Variants in CDH13 observed in about 807,000 individuals in gnomAD.
The protein encoded by CDH13 is cadherin-13.
In CDH13, 24 loss-of-function variants were observed where a neutral mutation model predicts 63.8. The observed-to-expected ratio is 0.38, with a 90% CI of 0.27 to 0.53. CDH13 has a LOEUF of 0.53. CDH13 is among the 20% of genes least tolerant of loss of function. The probability of loss-of-function intolerance (pLI) is 0.85; values close to 1 mark genes in which losing one functional copy is unlikely to be tolerated. For missense variants in CDH13, 1,049 were observed against 903.1 expected (o/e 1.16, Z -2.07); for synonymous variants, 503 against 355.3 (o/e 1.42, Z -4.67).
chr16:82,920,323 C>T (rs1171091544), intron 2 of CDH13, among the ~76,000 whole-genome samples: 1 of 152,196 alleles, frequency 6.6e-6, no homozygotes, highest in Non-Finnish European at 1.5e-5. Flanking sequence ...CCAGCAGCTC[C>T]AGGCTCACAT....
chr16:83,194,490 C>T (rs1320639082), intron 4 of CDH13, among the ~76,000 whole-genome samples: 1 of 152,184 alleles, frequency 6.6e-6, no homozygotes, highest in Admixed American at 6.5e-5. Flanking sequence ...TCAGGCCTTC[C>T]AAGCTGTCAC....
Position 83,533,297 on chromosome 16 carries a change from G to T in CDH13, c.960+46642G>T, listed in dbSNP as rs537142540. On this transcript the variant is annotated intron_variant, in intron 7 of 13. Coordinates refer to ENST00000567109, the MANE Select transcript of CDH13 (RefSeq NM_001257.5). ...TGTGCTCGGAAAATCTCAACTCAGC[G>T]TGACTCGCAACCTCACCACTGAGCG... is the stretch of plus-strand genomic sequence containing the variant. Among the ~76,000 whole-genome samples, 36 of 152,320 alleles carry T rather than the reference G, an allele frequency of 2.4e-4. No homozygotes were observed. The South Asian group carries it at 7.3e-3, about 31-fold the overall frequency.
intron 7 of CDH13, among the ~76,000 whole-genome samples, chr16:83,533,859 G>C (rs1259593431): frequency 6.6e-6 from 1 of 152,022 alleles, no homozygotes; most frequent in Non-Finnish European, 1.5e-5. Context: ...GACCCCAAGT[G>C]ATCCGCCCAC....
chr16:82,806,158 A>G (rs1300765390), intron 1 of CDH13, among the ~76,000 whole-genome samples: 8 of 152,176 alleles, frequency 5.3e-5, no homozygotes, highest in African/African-American at 1.9e-4. Flanking sequence ...CCCAAAGCAT[A>G]TAAGGACTCT....
At chr16:82,880,469 TG>T (rs1460448439) in intron 2 of CDH13, among the ~76,000 whole-genome samples, 1 of 152,166 alleles carries the variant, frequency 6.6e-6, no homozygotes, top group Non-Finnish European at 1.5e-5. Flanking sequence ...GTGATTTGAA[TG>T]GGGGCATTTG....
intron 10 of CDH13, among the ~76,000 whole-genome samples, chr16:83,703,865 C>A (rs1297074568): frequency 2.0e-5 from 3 of 152,180 alleles, no homozygotes; most frequent in Admixed American, 2.0e-4. Flanking sequence ...CACGAACTCG[C>A]AATTACTCCC....
intron 10 of CDH13, among the ~76,000 whole-genome samples, chr16:83,696,640 T>C (rs1487085858): frequency 1.3e-5 from 2 of 152,170 alleles, no homozygotes; most frequent in Non-Finnish European, 2.9e-5. Context: ...TCCCAAATAC[T>C]TAAAACATAG....
At chr16:83,096,469 G>A (rs536937888) in intron 3 of CDH13, among the ~76,000 whole-genome samples, 12 of 152,282 alleles carry the variant, frequency 7.9e-5, no homozygotes, top group African/African-American at 2.9e-4. Flanking sequence ...CTAAAGGATT[G>A]CTCACAAAAA....
Position 83,693,975 on chromosome 16 carries a change from G to A in CDH13, c.1538+15514G>A, listed in dbSNP as rs147052915. On this transcript the variant is annotated intron_variant, in intron 10 of 13. Transcript: ENST00000567109. Reference sequence around the variant, plus strand: ...ACTGTTCCTGTGAGCAAAAGAGGACGTGACAATTCAGAACCTCTAATCATA... The same window carrying A: ...ACTGTTCCTGTGAGCAAAAGAGGACATGACAATTCAGAACCTCTAATCATA... 3.0e-3 allele frequency among the ~76,000 whole-genome samples: 450 copies of A among 152,326 alleles called. 2 individuals are homozygous for A. The highest frequency in any genetic ancestry group is 0.017 in the Middle Eastern group (5 of 294).
Position 83,050,878 on chromosome 16 carries a change from A to G in CDH13, c.366+18660A>G, listed in dbSNP as rs567332738. 6.6e-5 allele frequency among the ~76,000 whole-genome samples: 10 copies of G among 152,112 alleles called. No homozygotes were observed. In the East Asian group the frequency reaches 1.9e-3, roughly 30 times the overall value. Reference sequence around the variant, plus strand: ...CCATCCTCGTCTTCCCATGCACCTGAACCCACCACCTTGTATTTGTCTTTA... The same window carrying G: ...CCATCCTCGTCTTCCCATGCACCTGGACCCACCACCTTGTATTTGTCTTTA... On this transcript the variant is annotated intron_variant, in intron 3 of 13. Coordinates refer to ENST00000567109, the MANE Select transcript of CDH13 (RefSeq NM_001257.5).
chr16:83,336,399 T>A (rs2090598424), intron 5 of CDH13, among the ~76,000 whole-genome samples: 1 of 152,084 alleles, frequency 6.6e-6, no homozygotes, highest in Non-Finnish European at 1.5e-5. Context: ...TGAAGAGGTA[T>A]TCCAGAGATA....
intron 5 of CDH13, among the ~76,000 whole-genome samples, chr16:83,272,926 C>T (rs2088869485): frequency 6.6e-6 from 1 of 152,154 alleles, no homozygotes; most frequent in African/African-American, 2.4e-5. Context: ...AATAATTTTT[C>T]CATTTCCATT....
intron 5 of CDH13, among the ~76,000 whole-genome samples, chr16:83,303,035 G>T (rs1223172675): frequency 6.6e-6 from 1 of 152,188 alleles, no homozygotes; most frequent in Non-Finnish European, 1.5e-5. Context: ...CTCTGTTTCA[G>T]TATCATGATG....
At chr16:83,706,824 C>T (rs552352397) in intron 10 of CDH13, among the ~76,000 whole-genome samples, 1 of 152,172 alleles carries the variant, frequency 6.6e-6, no homozygotes, top group Non-Finnish European at 1.5e-5. Context: ...TAGGCTCTCA[C>T]GATCAGGACA....
chr16:83,308,307 A>G (rs574370101), intron 5 of CDH13, among the ~76,000 whole-genome samples: 19 of 152,322 alleles, frequency 1.2e-4, no homozygotes, highest in Admixed American at 3.9e-4. Context: ...TTCATTAGCA[A>G]GATGCTTGAA....
intron 7 of CDH13, among the ~76,000 whole-genome samples, chr16:83,511,046 G>A (rs868795793): frequency 1.5e-5 from 2 of 133,156 alleles, no homozygotes; most frequent in African/African-American, 2.8e-5. Flanking sequence ...GCATGCACAC[G>A]TGTGTGCACA....
Position 83,121,765 on chromosome 16 carries a change from A to G in CDH13, c.367-3620A>G, listed in dbSNP as rs549160269. The stretch of plus-strand genomic sequence containing the variant: ...AACGTTTGGATGGGTTCCTAGCAGT[A>G]AAATTACTGAGTGAAGGGATATGTG... On this transcript the variant is annotated intron_variant, in intron 3 of 13. Coordinates refer to ENST00000567109, the MANE Select transcript of CDH13 (RefSeq NM_001257.5). Among the ~76,000 whole-genome samples the G allele has an allele frequency of 3.3e-5, 5 of 152,328 alleles. 1 individual carries two copies. The South Asian group carries it at 8.3e-4, about 25-fold the overall frequency.
At chr16:83,791,273 G>A (rs755212689) in intron 13 of CDH13, among the ~76,000 whole-genome samples, 6 of 152,264 alleles carry the variant, frequency 3.9e-5, no homozygotes, top group South Asian at 2.1e-4. Context: ...TAGGTGGGCC[G>A]ATCACCTGAG....
At chr16:83,450,832 T>A (rs1296185052) in intron 6 of CDH13, among the ~76,000 whole-genome samples, 2 of 152,114 alleles carry the variant, frequency 1.3e-5, no homozygotes, top group Admixed American at 6.5e-5. Flanking sequence ...ATGGTGCCAC[T>A]GCACTCCAGC....
Sources: gnomAD v4.1 joint callset for allele counts (sites outside exome capture counted in the v4.1 genomes callset) on GRCh38, gnomAD v4.1.1 for gene constraint, MANE v1.5 for transcripts, NCBI Gene and HGNC (gene_info 2026-07-23, HGNC 2026-07-21) for gene names.